Variants in FBRSL1 observed in about 807,000 individuals in gnomAD.
FBRSL1 encodes the protein fibrosin-1-like protein.
FBRSL1 carries 51 observed loss-of-function variants against 89.6 expected under a neutral mutation model. The ratio of observed to expected loss-of-function variants is 0.57; its 90% confidence interval spans 0.45 to 0.72. FBRSL1 has a LOEUF of 0.72. Ranked by LOEUF, FBRSL1 falls within the 30% of genes least tolerant of loss-of-function variation. The probability of loss-of-function intolerance (pLI) is 0.00; values close to 1 mark genes in which losing one functional copy is unlikely to be tolerated. For synonymous variants in FBRSL1, 779 were observed against 681.1 expected (o/e 1.14, Z -2.24); for missense variants, 1,618 against 1,451.8 (o/e 1.11, Z -1.86).
At position 132,570,167 on chromosome 12, in the gene FBRSL1, G is replaced by C. The variant is rs1304952408; in HGVS notation, c.933G>C (p.Pro311=). The C allele has an allele frequency of 6.7e-7, 1 of 1,501,576 alleles. No individual in the cohort carries two copies. The highest frequency in any genetic ancestry group is 1.5e-5 in the African/African-American group (1 of 68,516). The allele number at this position is 1,501,576 out of a possible 1,614,324, so 93.0% of individuals were successfully genotyped here. ...CCCCGCAGCCCCGCGGCCTGCTCCC[G>C]ACACACGTGCCTGCATCCCTGGGCG... The part of the protein sequence containing the change: ...PPPPQPRGLL[P]THVPASLGAF... The change falls in exon 7 of 19, where the codon CCG becomes CCC. Residue 311 remains proline (P), a synonymous_variant. Transcript: ENST00000680143.
At chr12:132,553,844 G>C (rs985605735) in intron 5 of FBRSL1, 2 of 152,272 alleles carry the variant, frequency 1.3e-5, no homozygotes, top group African/African-American at 4.8e-5. Flanking sequence ...CAGCAGTGGA[G>C]CTGGAGGTCC....
At position 132,508,102 on chromosome 12, in the gene FBRSL1, C is replaced by T. The variant is rs2033902186; in HGVS notation, c.292-51C>T. 3.4e-6 allele frequency: 5 copies of T among 1,462,376 alleles called. No individual in the cohort carries two copies. The Admixed American group carries it at 8.2e-5, about 24-fold the overall frequency. The allele number at this position is 1,462,376 out of a possible 1,614,324, so 90.6% of individuals were successfully genotyped here. ...GCTCAGGTGGGTGCTGTCCTGGGCC[C>T]AAGGCCCTGGGGTCCCGCCAATTAA... On this transcript the variant is annotated intron_variant, in intron 1 of 18. Coordinates refer to ENST00000680143, the MANE Select transcript of FBRSL1 (RefSeq NM_001367871.1).
chr12:132,565,817 A>G (rs1323150921), intron 5 of FBRSL1: 1 of 152,250 alleles, frequency 6.6e-6, no homozygotes, highest in Non-Finnish European at 1.5e-5. Context: ...GAGAGAAGCC[A>G]ATCACAGTAG....
chr12:132,498,875 A>G (rs1016098424), intron 1 of FBRSL1, among the ~76,000 whole-genome samples: 1 of 152,218 alleles, frequency 6.6e-6, no homozygotes, highest in African/African-American at 2.4e-5. Flanking sequence ...AGGCTTGGCC[A>G]TGGTACTCAC....
At position 132,508,269 on chromosome 12, in the gene FBRSL1, C is replaced by T. The variant is rs1204834412; in HGVS notation, c.408C>T (p.Pro136=). 6.4e-7 allele frequency: 1 copy of T among 1,550,594 alleles called. No homozygotes were observed. The highest frequency in any genetic ancestry group is 8.7e-7 in the Non-Finnish European group (1 of 1,146,856). ...PPAEPSENRR[P]LEAGSPGQDL... ...CGGAGCCCAGTGAGAACAGGCGGCC[C>T]CTGGAGGCAGGCAGCCCCGGGCAGG... Residue 136 remains proline (P), a synonymous_variant, in exon 2 of 19, where the codon CCC becomes CCT. Coordinates refer to ENST00000680143, the MANE Select transcript of FBRSL1 (RefSeq NM_001367871.1).
chr12:132,514,842 A>G (rs1187122760), intron 2 of FBRSL1, among the ~76,000 whole-genome samples: 2 of 152,250 alleles, frequency 1.3e-5, no homozygotes, highest in African/African-American at 4.8e-5. Flanking sequence ...ATTCATTTTA[A>G]TGAAGTATTG....
chr12:132,536,376 G>A (rs1348973873), intron 4 of FBRSL1, among the ~76,000 whole-genome samples: 1 of 151,774 alleles, frequency 6.6e-6, no homozygotes, highest in Non-Finnish European at 1.5e-5. Flanking sequence ...ACATGATGGT[G>A]TGTGTGCCAT....
intron 5 of FBRSL1, among the ~76,000 whole-genome samples, chr12:132,564,025 C>T (rs1390469338): frequency 6.6e-6 from 1 of 151,996 alleles, no homozygotes; most frequent in African/African-American, 2.4e-5. Flanking sequence ...TGGCTGGGGC[C>T]GCGCTCACGG....
intron 1 of FBRSL1, among the ~76,000 whole-genome samples, chr12:132,503,911 C>G (rs1181260748): frequency 6.6e-6 from 1 of 152,126 alleles, no homozygotes; most frequent in East Asian, 1.9e-4. Context: ...GCCTCCTGCC[C>G]CCACTGGAGA....
intron 2 of FBRSL1, among the ~76,000 whole-genome samples, chr12:132,516,809 C>T (rs2034884533): frequency 6.6e-6 from 1 of 152,148 alleles, no homozygotes; most frequent in African/African-American, 2.4e-5. Context: ...GAATCTGTAC[C>T]CTGGGCCATT....
intron 14 of FBRSL1, among the ~76,000 whole-genome samples, chr12:132,575,871 G>A (rs532977734): frequency 3.9e-5 from 6 of 152,366 alleles, no homozygotes; most frequent in African/African-American, 1.2e-4. Context: ...GCCTGAGTGC[G>A]GGTCAGAGGC....
chr12:132,492,202 G>A (rs1470965708), intron 1 of FBRSL1, among the ~76,000 whole-genome samples: 1 of 152,204 alleles, frequency 6.6e-6, no homozygotes, highest in African/African-American at 2.4e-5. Context: ...CACCTCCTGG[G>A]TCCCTAACCG....
rs1452761698 is a variant in FBRSL1 at position 132,584,796 on chromosome 12, T to A, written c.*1018T>A. On this transcript the variant is annotated 3_prime_UTR_variant, in exon 19 of 19. Transcript: ENST00000680143. ...GACCAGATCGGTGGAGGTATAGAAG[T>A]GCAAGAGTCTAAAGGCTGATTTTAC... 6.7e-6 allele frequency: 1 copy of A among 150,196 alleles called. No individual in the cohort carries two copies. The highest frequency in any genetic ancestry group is 1.5e-5 in the Non-Finnish European group (1 of 67,866). The allele number at this position is 150,196 out of a possible 1,614,324, so 9.3% of individuals were successfully genotyped here. A position where few individuals can be genotyped will look rare whatever the true frequency, so the allele number is the denominator to read the frequency against.
At chr12:132,511,448 C>G (rs1566119318) in intron 2 of FBRSL1, 1 of 986,214 alleles carries the variant, frequency 1.0e-6, no homozygotes, top group Non-Finnish European at 1.2e-6. Context: ...CCCTCAGGAC[C>G]TGGTCTCAAG....
At position 132,499,700 on chromosome 12, in the gene FBRSL1, G is replaced by A. The variant is rs538867266; in HGVS notation, c.292-8453G>A. ...GGCAGGCTGGAGACAGCTGGGGGCTGTGGCTGGGGGGCTGCAGGGCTGGGG... is the reference window on the plus strand; with the variant it reads ...GGCAGGCTGGAGACAGCTGGGGGCTATGGCTGGGGGGCTGCAGGGCTGGGG... On this transcript the variant is annotated intron_variant, in intron 1 of 18. Coordinates refer to ENST00000680143, the MANE Select transcript of FBRSL1 (RefSeq NM_001367871.1). This position sits in a 1 kb window ranked among gnomAD's most constrained non-coding sequence, Gnocchi z 4.3. Among the ~76,000 whole-genome samples, 482 of 151,968 alleles carry A rather than the reference G, an allele frequency of 3.2e-3. 1 individual carries two copies. The highest frequency in any genetic ancestry group is 5.5e-3 in the Non-Finnish European group (373 of 67,930).
intron 8 of FBRSL1, 23 bp downstream of exon 8, chr12:132,570,563 C>T (rs919429655): frequency 8.8e-6 from 13 of 1,481,286 alleles, no homozygotes; most frequent in East Asian, 2.6e-5. Context: ...GCCACAATCT[C>T]GCCCAGGGCA....
At chr12:132,503,217 C>T (rs946014436) in intron 1 of FBRSL1, among the ~76,000 whole-genome samples, 1 of 152,022 alleles carries the variant, frequency 6.6e-6, no homozygotes, top group Non-Finnish European at 1.5e-5. Flanking sequence ...GAGGCAGCAG[C>T]CACCATGCTT....
intron 6 of FBRSL1, among the ~76,000 whole-genome samples, chr12:132,569,614 CCAGGGACTGACTCTTG>C (rs2039869986): frequency 6.6e-6 from 1 of 152,204 alleles, no homozygotes; most frequent in South Asian, 2.1e-4. Flanking sequence ...CAGCCCCTGT[CCAGGGACTGACTCTTG>C]CAGGGCCTGT....
intron 1 of FBRSL1, among the ~76,000 whole-genome samples, chr12:132,505,683 C>G (rs914818859): frequency 1.3e-5 from 2 of 152,200 alleles, no homozygotes; most frequent in Non-Finnish European, 2.9e-5. Context: ...GCCTGGGCCT[C>G]CTTGGTCGTG....
Sources: gnomAD v4.1 joint callset for allele counts (sites outside exome capture counted in the v4.1 genomes callset) on GRCh38, gnomAD v4.1.1 for gene constraint, Gnocchi (gnomAD v3.1) non-coding constraint, MANE v1.5 for transcripts, NCBI Gene and HGNC (gene_info 2026-07-23, HGNC 2026-07-21) for gene names.